The following EDDM13 variants were observed in gnomAD, a reference collection of about 807,000 sequenced individuals.
EDDM13 encodes epididymal protein 13.
In EDDM13, 24 loss-of-function variants were observed where a neutral mutation model predicts 17.8. That is an observed-to-expected ratio of 1.35 (90% CI 0.98 to 1.90). The LOEUF (loss-of-function observed/expected upper bound fraction) is 1.90. Ranked by LOEUF, EDDM13 falls within the 40% of genes most tolerant of loss-of-function variation. The pLI, the probability that EDDM13 is intolerant of heterozygous loss-of-function variation, is 0.00. For missense variants in EDDM13, 97 were observed against 100.8 expected (o/e 0.96, Z 0.16); for synonymous variants, 31 against 37.5 (o/e 0.83, Z 0.63).
rs1158126913 is a variant in EDDM13, at chr19:56,297,519, T to A, written c.283T>A (p.Cys95Ser). The change falls in exon 12 of 15, where the codon TGC becomes AGC. Residue 95 changes from cysteine to serine, a missense_variant. By Grantham distance (112) the Cys-to-Ser change is moderately radical (BLOSUM62 -1). Transcript: ENST00000649256. The stretch of plus-strand genomic sequence containing the variant: ...TTCATTTTTAGAAGAAACAAGTGGC[T>A]GCAAGGAGGAAGGTAAGTGCTTGGG... ...LQVLHEETSG[C>S]KEEVKPFSGT... 1.0e-6 allele frequency: 1 copy of A among 985,210 alleles called. No homozygotes were observed. The highest frequency in any genetic ancestry group is 1.7e-5 in the African/African-American group (1 of 57,186). The allele number at this position is 985,210 out of a possible 1,614,324, so 61.0% of individuals were successfully genotyped here.
At chr19:56,300,127 C>T (rs2040133816) in intron 12 of EDDM13, among the ~76,000 whole-genome samples, 1 of 152,104 alleles carries the variant, frequency 6.6e-6, no homozygotes. Flanking sequence ...ATCCTCCAAA[C>T]CCAGAGCTCT....
Position 56,292,390 on chromosome 19 carries a change from G to A in EDDM13, c.232+1544G>A, listed in dbSNP as rs893700258. Among the ~76,000 whole-genome samples the A allele has an allele frequency of 1.3e-5, 2 of 151,946 alleles. 1 individual carries two copies. Among genetic ancestry groups the A allele is most frequent in the African/African-American group, 4.8e-5 (2 of 41,348 alleles). On this transcript the variant is annotated intron_variant, in intron 9 of 14. Transcript: ENST00000649256. ...CGATCCTTCTTTCTTAGCCTCCTGAGGAACTGGGACTACAGGTGTGCATCA... is the reference window on the plus strand; with the variant it reads ...CGATCCTTCTTTCTTAGCCTCCTGAAGAACTGGGACTACAGGTGTGCATCA...
At chr19:56,298,211 T>C (rs926976153) in intron 12 of EDDM13, 9 of 152,118 alleles carry the variant, frequency 5.9e-5, no homozygotes, top group African/African-American at 1.9e-4. Flanking sequence ...GAGAGTATCA[T>C]AGCAGATCTT....
At chr19:56,276,151 C>A (rs1353798699) in intron 2 of EDDM13, among the ~76,000 whole-genome samples, 42 bp downstream of exon 2, 1 of 152,180 alleles carries the variant, frequency 6.6e-6, no homozygotes, top group Non-Finnish European at 1.5e-5. Context: ...TTCATAGCTA[C>A]CTCTCCTAAA....
At chr19:56,305,757 A>G (rs778642100) in intron 14 of EDDM13, among the ~76,000 whole-genome samples, 3 of 152,192 alleles carry the variant, frequency 2.0e-5, no homozygotes, top group Non-Finnish European at 2.9e-5. Context: ...ATATGATGAA[A>G]AAGAGAACTA....
chr19:56,308,006 C>T (rs374347280), intron 14 of EDDM13, among the ~76,000 whole-genome samples: 13 of 152,278 alleles, frequency 8.5e-5, no homozygotes, highest in African/African-American at 3.1e-4. Context: ...TTCTCTTGAT[C>T]CCCCCACCCA....
At chr19:56,302,272 A>G (rs111333875) in intron 13 of EDDM13, among the ~76,000 whole-genome samples, 177 bp downstream of exon 13, 4,595 of 150,666 alleles carry the variant, frequency 0.03, 197 homozygotes, top group African/African-American at 0.097. Context: ...TCCATCTCTC[A>G]TTTCATTCTT....
rs2039321175 is a variant in EDDM13 at position 56,288,859 on chromosome 19, C to T, written c.209-15C>T. 6.6e-6 allele frequency among the ~76,000 whole-genome samples: 1 copy of T among 152,180 alleles called. No homozygotes were observed. The stretch of plus-strand genomic sequence containing the variant: ...CCTCCGTTGCAACCTGGGCTGCCTA[C>T]ATTCTAGCCTCCAGATAGGACAGAA... On this transcript the variant is annotated splice_polypyrimidine_tract_variant and intron_variant, in intron 7 of 14. Transcript: ENST00000649256.
chr19:56,300,923 G>A (rs1476616857), intron 12 of EDDM13, among the ~76,000 whole-genome samples: 1 of 152,164 alleles, frequency 6.6e-6, no homozygotes, highest in Non-Finnish European at 1.5e-5. Context: ...AAAGCGACAC[G>A]GTCGGATCTG....
rs531217255 is a variant in EDDM13, at chr19:56,282,488, C to T, written c.110-3C>T. On this transcript the variant is annotated splice_region_variant and splice_polypyrimidine_tract_variant and intron_variant, in intron 3 of 14. Transcript: ENST00000649256. ...GTCCTTCCTGCTGCTTGTCTGCCAA[C>T]AGTGCTGAAAGGTAAGCTTCTCATT... is the stretch of plus-strand genomic sequence containing the variant. The T allele has an allele frequency of 8.1e-6, 8 of 985,260 alleles. No homozygotes were observed. Among genetic ancestry groups the T allele is most frequent in the Middle Eastern group, 5.2e-4 (1 of 1,936 alleles). 61.0% of individuals were successfully genotyped at this position (985,260 alleles called of 1,614,324 possible).
intron 9 of EDDM13, among the ~76,000 whole-genome samples, 55 bp downstream of exon 9, chr19:56,290,901 G>C (rs1453758167): frequency 6.6e-6 from 1 of 152,280 alleles, no homozygotes; most frequent in Middle Eastern, 3.4e-3. Flanking sequence ...GTGCTGGGAA[G>C]AAGAGGCAAC....
intron 13 of EDDM13, among the ~76,000 whole-genome samples, chr19:56,304,015 C>T (rs1041938595): frequency 1.4e-4 from 22 of 152,226 alleles, no homozygotes; most frequent in African/African-American, 5.1e-4. Flanking sequence ...TCATAGACCA[C>T]GAGAAGGAAG....
At chr19:56,302,547 T>TCCTC (rs141792778) in intron 13 of EDDM13, among the ~76,000 whole-genome samples, 1 of 78,804 alleles carries the variant, frequency 1.3e-5, no homozygotes, top group African/African-American at 6.4e-5. Flanking sequence ...TCCTCCCCGT[T>TCCTC]CCTCCCTCCC....
At chr19:56,290,994 T>C (rs1397600814) in intron 9 of EDDM13, among the ~76,000 whole-genome samples, 148 bp downstream of exon 9, 1 of 152,130 alleles carries the variant, frequency 6.6e-6, no homozygotes, top group African/African-American at 2.4e-5. Flanking sequence ...TGCTCCCCTC[T>C]CTGAAGGGGT....
At chr19:56,273,280 G>C (rs1413672030) in intron 1 of EDDM13, among the ~76,000 whole-genome samples, 1 of 152,200 alleles carries the variant, frequency 6.6e-6, no homozygotes, top group African/African-American at 2.4e-5. Flanking sequence ...GTGCCTGGAA[G>C]TCAACATTAC....
intron 12 of EDDM13, among the ~76,000 whole-genome samples, chr19:56,298,502 A>C (rs1016074050): frequency 4.6e-5 from 7 of 151,526 alleles, no homozygotes; most frequent in Non-Finnish European, 7.4e-5. Flanking sequence ...AATACAAAAA[A>C]ATTAGCCAGG....
chr19:56,302,202 AG>A, intron 13 of EDDM13, 107 bp downstream of exon 13: 1 of 733,980 alleles, frequency 1.4e-6, no homozygotes, highest in Non-Finnish European at 1.9e-6. Context: ...GGTGCCAAGC[AG>A]GAAGTGGTGG....
chr19:56,287,523 C>T (rs1275999773), intron 6 of EDDM13, among the ~76,000 whole-genome samples: 3 of 152,150 alleles, frequency 2.0e-5, no homozygotes, highest in African/African-American at 7.2e-5. Flanking sequence ...TAAATATCAG[C>T]CCTCTGTGCA....
At chr19:56,290,779 A>G (rs956314744) in intron 8 of EDDM13, among the ~76,000 whole-genome samples, 62 bp from the exon 9 acceptor site, 1 of 152,176 alleles carries the variant, frequency 6.6e-6, no homozygotes, top group Non-Finnish European at 1.5e-5. Flanking sequence ...TGCTGATTCT[A>G]TTCTCTTGCT....
Sources: gnomAD v4.1 joint callset for allele counts (sites outside exome capture counted in the v4.1 genomes callset) on GRCh38, gnomAD v4.1.1 for gene constraint, MANE v1.5 for transcripts, NCBI Gene and HGNC (gene_info 2026-07-23, HGNC 2026-07-21) for gene names.